The following PSD4 variants were observed in gnomAD, a reference collection of about 807,000 sequenced individuals.
PSD4 encodes PH and SEC7 domain-containing protein 4.
PSD4 carries 59 observed loss-of-function variants against 112.5 expected under a neutral mutation model. The observed-to-expected ratio is 0.52, with a 90% CI of 0.43 to 0.65. The LOEUF (loss-of-function observed/expected upper bound fraction) is 0.65. PSD4 is among the 30% of genes least tolerant of loss of function. The pLI is 0.00. For synonymous variants in PSD4, 533 were observed against 540.0 expected (o/e 0.99, Z 0.18); for missense variants, 1,267 against 1,352.6 (o/e 0.94, Z 0.99).
intron 5 of PSD4, among the ~76,000 whole-genome samples, chr2:113,190,460 G>A (rs1403020822): frequency 6.6e-6 from 1 of 151,992 alleles, no homozygotes; most frequent in African/African-American, 2.4e-5. Flanking sequence ...TTTTGAGACA[G>A]GATCTCACAC....
rs376412369 is a variant in PSD4 at position 113,185,091 on chromosome 2, T to C, written c.1173+18T>C. The C allele has an allele frequency of 3.2e-5, 52 of 1,613,886 alleles. No individual in the cohort carries two copies. The highest frequency in any genetic ancestry group is 4.2e-5 in the Non-Finnish European group (50 of 1,179,888). ...AACCTTGGGCAAGTCACTTCCCCTT[T>C]CTGGGCCTTACTTTCTCCATCTTTG... On this transcript the variant is annotated intron_variant, in intron 3 of 16. Transcript: ENST00000245796.
intron 1 of PSD4, chr2:113,175,439 T>G (rs776872110): frequency 5.9e-5 from 9 of 152,090 alleles, no homozygotes; most frequent in Non-Finnish European, 1.2e-4. Context: ...CTCGAGTCAT[T>G]TCTCTCACGG....
At chr2:113,176,816 G>A (rs1687993818) in intron 1 of PSD4, among the ~76,000 whole-genome samples, 1 of 152,200 alleles carries the variant, frequency 6.6e-6, no homozygotes, top group Non-Finnish European at 1.5e-5. Flanking sequence ...GCCTGCCTCT[G>A]CCTAGAGGGT....
intron 14 of PSD4, 128 bp from the exon 15 acceptor site, chr2:113,198,612 G>C (rs1006788757): frequency 4.3e-6 from 5 of 1,175,230 alleles, no homozygotes; most frequent in Non-Finnish European, 5.7e-6. Context: ...CTAGTGGCAG[G>C]GCTGTAACTA....
chr2:113,189,351 G>GTA (rs35251391), intron 5 of PSD4, among the ~76,000 whole-genome samples: 53,796 of 145,870 alleles, frequency 0.37, 10,454 homozygotes, highest in East Asian at 0.68. Flanking sequence ...ATATATAATA[G>GTA]TATATATATA....
In PSD4 at chr2:113,198,817, C is replaced by T. The variant is rs1017642323; in HGVS notation, c.2702C>T (p.Ala901Val). ...ACGCACTCCGCGCCGCCCTTCCCCG[C>T]CGCTGTGGGCTCCCAGCGCAGATTC... ...AATHSAPPFP[A>V]AVGSQRRFVR... The change falls in exon 15 of 17, where the codon GCC becomes GTC. Residue 901 changes from alanine (A) to valine (V), a missense_variant. Physicochemically the swap from Ala to Val is moderately conservative, Grantham distance 64. Coordinates refer to ENST00000245796, the MANE Select transcript of PSD4 (RefSeq NM_012455.3). The T allele has an allele frequency of 3.1e-6, 5 of 1,595,044 alleles. No individual in the cohort carries two copies. In the African/African-American group the frequency reaches 4.0e-5, roughly 13 times the overall value.
chr2:113,185,060 C>T lies in PSD4; in HGVS notation c.1160C>T (p.Pro387Leu). 6.2e-7 allele frequency: 1 copy of T among 1,614,236 alleles called. No homozygotes were observed. The highest frequency in any genetic ancestry group is 8.5e-7 in the Non-Finnish European group (1 of 1,180,034). The change falls in exon 3 of 17, where the codon CCT becomes CTT. Residue 387 changes from proline to leucine, a missense_variant. Physicochemically the swap from Pro to Leu is moderately conservative, Grantham distance 98. This residue lies in a region of PSD4 where 723 missense variants were observed against 704.0 expected (regional missense o/e 1.03). Coordinates refer to ENST00000245796, the MANE Select transcript of PSD4 (RefSeq NM_012455.3). ...VGSDLGPAAH[P>L]VQPWASLSPE... is the part of the protein sequence containing the mutation. The stretch of plus-strand genomic sequence containing the variant: ...TCTGATCTTGGCCCTGCTGCACATC[C>T]TGTGCAACCTTGGGCAAGTCACTTC...
In PSD4 at chr2:113,201,618, C is replaced by T. The variant is rs1688781416; in HGVS notation, c.*203C>T. 2.8e-6 allele frequency: 2 copies of T among 714,000 alleles called. No homozygotes were observed. Among genetic ancestry groups the T allele is most frequent in the Non-Finnish European group, 2.3e-6 (1 of 444,386 alleles). 44.2% of individuals were successfully genotyped at this position (714,000 alleles called of 1,614,324 possible). On this transcript the variant is annotated 3_prime_UTR_variant, in exon 17 of 17. Transcript: ENST00000245796. ...AATATTGCTGTGCTCCCCACCACCC[C>T]CATGGCAGTCCCTCCGCAGCCCCAG...
intron 12 of PSD4, chr2:113,197,291 GAGA>G (rs1231573963): frequency 1.0e-5 from 5 of 496,128 alleles, no homozygotes; most frequent in African/African-American, 1.9e-5. Context: ...TGGAGTTGGA[GAGA>G]AGATGATATG....
rs1688792102 is a variant in PSD4, at chr2:113,202,122, C to G, written c.*707C>G. The G allele has an allele frequency of 6.7e-6, 1 of 150,204 alleles. No homozygotes were observed. The highest frequency in any genetic ancestry group is 6.6e-5 in the Admixed American group (1 of 15,098). The allele number at this position is 150,204 out of a possible 1,614,324, so 9.3% of individuals were successfully genotyped here. A position where few individuals can be genotyped will look rare whatever the true frequency, so the allele number is the denominator to read the frequency against. ...TTTCCCCCGAAGTAGATGAAACAGT[C>G]TCACATACCCAACTGCTCATCAACA... On this transcript the variant is annotated 3_prime_UTR_variant, in exon 17 of 17. Transcript: ENST00000245796.
At position 113,208,306 on chromosome 2, in the gene PSD4, C is replaced by G. The variant is rs1688893037; in HGVS notation, c.*6891C>G. 1 of 152,246 alleles carries G rather than the reference C, an allele frequency of 6.6e-6. No homozygotes were observed. The highest frequency in any genetic ancestry group is 1.5e-5 in the Non-Finnish European group (1 of 68,050). The allele number at this position is 152,246 out of a possible 1,614,324, so 9.4% of individuals were successfully genotyped here. A position where few individuals can be genotyped will look rare whatever the true frequency, so the allele number is the denominator to read the frequency against. On this transcript the variant is annotated 3_prime_UTR_variant, in exon 17 of 17. Coordinates refer to ENST00000245796, the MANE Select transcript of PSD4 (RefSeq NM_012455.3). ...AAATCTAAGCCTTCAACTCTCATCT[C>G]TGTTCTGAATTTCAGACCTGGAATT...
intron 1 of PSD4, among the ~76,000 whole-genome samples, chr2:113,180,864 C>T (rs941734482): frequency 1.6e-4 from 25 of 152,024 alleles, no homozygotes; most frequent in East Asian, 7.7e-4. Flanking sequence ...CTCACAAGCA[C>T]GCACGTAAGC....
chr2:113,201,586 C>A lies in PSD4; in HGVS notation c.*171C>A. On this transcript the variant is annotated 3_prime_UTR_variant, in exon 17 of 17. Transcript: ENST00000245796. Reference sequence around the variant, plus strand: ...GCCCTCATTCTTGTGCTCCCTGAAGCTTTCCTAATATTGCTGTGCTCCCCA... The same window carrying A: ...GCCCTCATTCTTGTGCTCCCTGAAGATTTCCTAATATTGCTGTGCTCCCCA... 1 of 958,702 alleles carries A rather than the reference C, an allele frequency of 1.0e-6. No homozygotes were observed. Among genetic ancestry groups the A allele is most frequent in the Non-Finnish European group, 1.5e-6 (1 of 658,324 alleles). The allele number at this position is 958,702 out of a possible 1,614,324, so 59.4% of individuals were successfully genotyped here. A position where few individuals can be genotyped will look rare whatever the true frequency, so the allele number is the denominator to read the frequency against.
rs45567336 is a variant in PSD4 at position 113,177,793 on chromosome 2, A to T, written c.-112+3739A>T. Among the ~76,000 whole-genome samples the T allele has an allele frequency of 8.8e-4, 134 of 152,312 alleles. 1 individual carries two copies. The highest frequency in any genetic ancestry group is 3.1e-4 in the Non-Finnish European group (21 of 68,030). ...GAACAGGAAACATAAAGAACCTGCCATCTTGGTGCTTACCTTCTAGGCAAA... is the reference window on the plus strand; with the variant it reads ...GAACAGGAAACATAAAGAACCTGCCTTCTTGGTGCTTACCTTCTAGGCAAA... On this transcript the variant is annotated intron_variant, in intron 1 of 16. Coordinates refer to ENST00000245796, the MANE Select transcript of PSD4 (RefSeq NM_012455.3).
rs1272810202 is a variant in PSD4 at position 113,202,851 on chromosome 2, T to G, written c.*1436T>G. 1 of 152,328 alleles carries G rather than the reference T, an allele frequency of 6.6e-6. No individual in the cohort carries two copies. Among genetic ancestry groups the G allele is most frequent in the Non-Finnish European group, 1.5e-5 (1 of 68,110 alleles). 9.4% of individuals were successfully genotyped at this position (152,328 alleles called of 1,614,324 possible). On this transcript the variant is annotated 3_prime_UTR_variant, in exon 17 of 17. Transcript: ENST00000245796. ...GGCCCTTGGAGGCCATGTTTGGGTC[T>G]CCGGCCAGGGCCTAGGGCTAGGCCA...
intron 13 of PSD4, 41 bp from the exon 14 acceptor site, chr2:113,197,706 A>C (rs1228267217): frequency 6.2e-7 from 1 of 1,609,806 alleles, no homozygotes; most frequent in African/African-American, 1.3e-5. Context: ...GAGGGTGGGC[A>C]GCTGATGATA....
intron 4 of PSD4, 129 bp from the exon 5 acceptor site, chr2:113,185,748 C>A: frequency 6.5e-7 from 1 of 1,549,794 alleles, no homozygotes. Context: ...AGGTCACTGC[C>A]CGAGGGAGGA....
At position 113,199,205 on chromosome 2, in the gene PSD4, G is replaced by A. The variant is rs1297337014; in HGVS notation, c.2892G>A (p.Arg964=). The stretch of plus-strand genomic sequence containing the variant: ...GCGAGCTGGAGGAGCACCGCCTGCG[G>A]AAGGAGTACCTGGAGTACGAGGTGA... ...RGRELEEHRL[R]KEYLEYEKTR... is the part of the protein sequence containing the mutation. Residue 964 remains arginine, a synonymous_variant, in exon 16 of 17, where the codon CGG becomes CGA. Coordinates refer to ENST00000245796, the MANE Select transcript of PSD4 (RefSeq NM_012455.3). 3.3e-6 allele frequency: 5 copies of A among 1,517,388 alleles called. No individual in the cohort carries two copies. In the Admixed American group the frequency reaches 1.1e-4, roughly 32 times the overall value. 94.0% of individuals were successfully genotyped at this position (1,517,388 alleles called of 1,614,324 possible).
chr2:113,193,661 GGA>G lies in PSD4; in HGVS notation c.2091+17_2091+18del, dbSNP rs753183070. On this transcript the variant is annotated intron_variant, in intron 9 of 16. Transcript: ENST00000245796. ...GACCTGCATGGACAGGTAAGACGGT[GGA>G]GAGAGTCCCTGTGGGAACTGAGGCT... 1 of 1,611,516 alleles carries G rather than the reference GGA, an allele frequency of 6.2e-7. No homozygotes were observed. The highest frequency in any genetic ancestry group is 2.2e-5 in the East Asian group (1 of 44,864).
Sources: allele counts gnomAD v4.1 joint callset (sites outside exome capture counted in the v4.1 genomes callset), GRCh38; gene constraint gnomAD v4.1.1; regional missense constraint gnomAD v4.1.1; transcripts MANE v1.5; gene names NCBI Gene and HGNC (gene_info 2026-07-23, HGNC 2026-07-21).